Variants in KCTD16 observed in about 807,000 individuals in gnomAD.
KCTD16 encodes potassium channel tetramerization domain containing 16.
In KCTD16, 13 loss-of-function variants were observed where a neutral mutation model predicts 33.2. That is an observed-to-expected ratio of 0.39 (90% CI 0.25 to 0.62). KCTD16 has a LOEUF of 0.62. Ranked by LOEUF, KCTD16 falls within the 20% of genes least tolerant of loss-of-function variation. The pLI, the probability that KCTD16 is intolerant of heterozygous loss-of-function variation, is 0.50. For missense variants in KCTD16, 441 were observed against 525.1 expected (o/e 0.84, Z 1.57); for synonymous variants, 197 against 195.3 (o/e 1.01, Z -0.07).
At chr5:144,441,974 TA>T (rs1753722024) in intron 3 of KCTD16, among the ~76,000 whole-genome samples, 2 of 152,124 alleles carry the variant, frequency 1.3e-5, no homozygotes, top group Non-Finnish European at 2.9e-5. Flanking sequence ...TTCAACATTT[TA>T]AAAAAGTTTA....
intron 3 of KCTD16, among the ~76,000 whole-genome samples, chr5:144,317,947 C>T (rs1159833362): frequency 6.6e-6 from 1 of 152,176 alleles, no homozygotes; most frequent in Non-Finnish European, 1.5e-5. Context: ...TCTATGCCCG[C>T]ACTTGGCAAA....
chr5:144,426,838 A>G (rs1244126720), intron 3 of KCTD16, among the ~76,000 whole-genome samples: 1 of 152,140 alleles, frequency 6.6e-6, no homozygotes, highest in Non-Finnish European at 1.5e-5. Flanking sequence ...AATGCCATTA[A>G]TCCATTGATA....
chr5:144,423,243 A>G (rs945134107), intron 3 of KCTD16, among the ~76,000 whole-genome samples: 2 of 152,160 alleles, frequency 1.3e-5, no homozygotes, highest in Non-Finnish European at 2.9e-5. Context: ...ATAAGATTAC[A>G]TGGGCTCCAG....
intron 3 of KCTD16, among the ~76,000 whole-genome samples, chr5:144,245,837 C>T (rs1754535014): frequency 6.6e-6 from 1 of 152,138 alleles, no homozygotes; most frequent in Non-Finnish European, 1.5e-5. Flanking sequence ...TCCCTGAGGC[C>T]TCCCCAGAAG....
chr5:144,451,069 T>A (rs1753930497), intron 3 of KCTD16, among the ~76,000 whole-genome samples: 1 of 152,144 alleles, frequency 6.6e-6, no homozygotes, highest in Admixed American at 6.6e-5. Context: ...ACGTTAAATA[T>A]GCACAGCTGC....
intron 3 of KCTD16, among the ~76,000 whole-genome samples, chr5:144,289,487 GGCT>G (rs1488813187): frequency 2.6e-5 from 4 of 152,020 alleles, no homozygotes; most frequent in African/African-American, 7.2e-5. Flanking sequence ...GGTAGGAGAG[GGCT>G]GCCTGTTGAG....
intron 3 of KCTD16, among the ~76,000 whole-genome samples, chr5:144,378,100 A>T (rs1054652815): frequency 6.6e-6 from 1 of 152,116 alleles, no homozygotes; most frequent in Admixed American, 6.6e-5. Context: ...ATGGTTTGGG[A>T]TTTTAAGGAG....
At chr5:144,282,247 A>G (rs1755627229) in intron 3 of KCTD16, among the ~76,000 whole-genome samples, 1 of 152,058 alleles carries the variant, frequency 6.6e-6, no homozygotes, top group African/African-American at 2.4e-5. Flanking sequence ...CCTCTATAAA[A>G]CCCAAAAGGA....
chr5:144,435,144 A>G (rs1246161438), intron 3 of KCTD16, among the ~76,000 whole-genome samples: 1 of 152,212 alleles, frequency 6.6e-6, no homozygotes, highest in Admixed American at 6.5e-5. Flanking sequence ...AGAAAAATAT[A>G]AAACAAAGTG....
At chr5:144,242,387 A>G (rs1754428401) in intron 3 of KCTD16, among the ~76,000 whole-genome samples, 1 of 152,180 alleles carries the variant, frequency 6.6e-6, no homozygotes, top group South Asian at 2.1e-4. Context: ...CACAAACCAT[A>G]GAAAATTATA....
intron 3 of KCTD16, among the ~76,000 whole-genome samples, chr5:144,294,648 T>C (rs1755987835): frequency 6.6e-6 from 1 of 152,194 alleles, no homozygotes; most frequent in South Asian, 2.1e-4. Flanking sequence ...AATGTTCTTT[T>C]TGGATTGAAA....
intron 3 of KCTD16, among the ~76,000 whole-genome samples, chr5:144,404,316 TAAAC>T (rs1752766618): frequency 6.6e-6 from 1 of 152,140 alleles, no homozygotes; most frequent in Non-Finnish European, 1.5e-5. Flanking sequence ...TTAATAGTAT[TAAAC>T]AAACAATAAA....
At chr5:144,424,256 G>T (rs1580953839) in intron 3 of KCTD16, among the ~76,000 whole-genome samples, 2 of 152,264 alleles carry the variant, frequency 1.3e-5, no homozygotes, top group East Asian at 3.9e-4. Context: ...CTTCTAAGTG[G>T]CCGGTGAAAC....
rs961174462 is a variant in KCTD16, at chr5:144,377,175, C to T, written c.833-96485C>T. Among the ~76,000 whole-genome samples, 7 of 152,188 alleles carry T rather than the reference C, an allele frequency of 4.6e-5. No individual in the cohort carries two copies. In the South Asian group the frequency reaches 1.5e-3, roughly 32 times the overall value. On this transcript the variant is annotated intron_variant, in intron 3 of 3. Coordinates refer to ENST00000512467, the MANE Select transcript of KCTD16 (RefSeq NM_020768.4). ...CCCTTCTCTGTTCAAGGAGAAACAT[C>T]CCCTATTGGACTGTCTCTCTTTTTA...
chr5:144,256,638 C>T (rs1253805514), intron 3 of KCTD16, among the ~76,000 whole-genome samples: 1 of 147,184 alleles, frequency 6.8e-6, no homozygotes. Flanking sequence ...TTTAATGTTA[C>T]AGTCTGCCTG....
chr5:144,386,151 T>C (rs146209773), intron 3 of KCTD16, among the ~76,000 whole-genome samples: 1 of 152,324 alleles, frequency 6.6e-6, no homozygotes, highest in Non-Finnish European at 1.5e-5. Context: ...AAATAATCTT[T>C]AATCTCTTCT....
intron 3 of KCTD16, among the ~76,000 whole-genome samples, chr5:144,391,078 C>A (rs918456121): frequency 3.9e-5 from 6 of 152,112 alleles, no homozygotes; most frequent in Non-Finnish European, 8.8e-5. Flanking sequence ...CTCAGACTTA[C>A]GTTGTGCCCC....
intron 3 of KCTD16, among the ~76,000 whole-genome samples, chr5:144,468,649 A>C (rs976875681): frequency 2.6e-5 from 4 of 152,188 alleles, no homozygotes; most frequent in Non-Finnish European, 5.9e-5. Flanking sequence ...TGACTTTTCA[A>C]CTGGGATACC....
At chr5:144,448,436 G>T (rs1460413682) in intron 3 of KCTD16, among the ~76,000 whole-genome samples, 1 of 152,010 alleles carries the variant, frequency 6.6e-6, no homozygotes, top group Non-Finnish European at 1.5e-5. Context: ...ATGAAGTTTT[G>T]ATCTTTGGAA....
Sources: gnomAD v4.1 joint callset for allele counts (sites outside exome capture counted in the v4.1 genomes callset) on GRCh38, gnomAD v4.1.1 for gene constraint, MANE v1.5 for transcripts, NCBI Gene and HGNC (gene_info 2026-07-23, HGNC 2026-07-21) for gene names.